The following NME7 variants were observed in gnomAD, a reference collection of about 807,000 sequenced individuals.
The protein encoded by NME7 is nucleoside diphosphate kinase 7.
Under a neutral mutation model 49.1 loss-of-function variants are expected in NME7, and 41 were observed. The ratio of observed to expected loss-of-function variants is 0.83; its 90% CI spans 0.65 to 1.08. The LOEUF (loss-of-function observed/expected upper bound fraction) is 1.08, where lower values mean the gene tolerates loss of function less well. Among genes scored for constraint, NME7 ranks in the 50% least tolerant of loss-of-function variants. The probability of loss-of-function intolerance (pLI) is 0.00; values close to 1 mark genes in which losing one functional copy is unlikely to be tolerated. For synonymous variants in NME7, 139 were observed against 150.6 expected (o/e 0.92, Z 0.56); for missense variants, 423 against 463.4 (o/e 0.91, Z 0.80).
intron 10 of NME7, among the ~76,000 whole-genome samples, chr1:169,170,409 TCCA>T (rs1659550755): frequency 6.6e-6 from 1 of 152,226 alleles, no homozygotes; most frequent in Non-Finnish European, 1.5e-5. Context: ...CATTTGTGGT[TCCA>T]TCACTTAAGG....
intron 10 of NME7, among the ~76,000 whole-genome samples, chr1:169,195,453 T>A (rs558897103): frequency 1.3e-5 from 2 of 152,276 alleles, no homozygotes; most frequent in Non-Finnish European, 1.5e-5. Context: ...CCTCAAGTGA[T>A]CCTCCCATCT....
intron 1 of NME7, among the ~76,000 whole-genome samples, chr1:169,328,233 C>T: frequency 6.6e-6 from 1 of 152,084 alleles, no homozygotes; most frequent in South Asian, 2.1e-4. Flanking sequence ...TTGTGAGAGT[C>T]CAAAAGACCT....
At position 169,332,370 on chromosome 1, in the gene NME7, C is replaced by T. The variant is rs140161120; in HGVS notation, c.4-7870G>A. 5.9e-5 allele frequency among the ~76,000 whole-genome samples: 9 copies of T among 152,168 alleles called. No individual in the cohort carries two copies. In the East Asian group the frequency reaches 1.7e-3, roughly 29 times the overall value. The stretch of plus-strand genomic sequence containing the variant: ...AAGACCTCAAACTATGAAACTACTA[C>T]AAGAAAACATGGGAGAAAATCTCTA... On this transcript the variant is annotated intron_variant, in intron 1 of 11. Coordinates refer to ENST00000367811, the MANE Select transcript of NME7 (RefSeq NM_013330.5).
intron 6 of NME7, among the ~76,000 whole-genome samples, chr1:169,288,295 T>C (rs1486119615): frequency 1.3e-5 from 2 of 152,114 alleles, no homozygotes; most frequent in Admixed American, 6.6e-5. Context: ...CCTAAAACAA[T>C]GTCTGGCTCA....
At chr1:169,315,520 C>T (rs995084091) in intron 3 of NME7, among the ~76,000 whole-genome samples, 4 of 152,154 alleles carry the variant, frequency 2.6e-5, no homozygotes, top group Non-Finnish European at 5.9e-5. Flanking sequence ...CCCGCCTCAG[C>T]CTCCCAAAGT....
chr1:169,231,116 A>G (rs897991220), intron 9 of NME7, among the ~76,000 whole-genome samples: 6 of 152,176 alleles, frequency 3.9e-5, no homozygotes, highest in African/African-American at 1.4e-4. Flanking sequence ...CTTGAATACA[A>G]TGTTGTTGAA....
intron 10 of NME7, among the ~76,000 whole-genome samples, chr1:169,182,175 A>T (rs892892193): frequency 5.3e-4 from 11 of 20,878 alleles, no homozygotes; most frequent in Admixed American, 3.4e-3. Context: ...TAGCTAATTT[A>T]AAAAAAAAAA....
intron 10 of NME7, among the ~76,000 whole-genome samples, chr1:169,228,071 C>T (rs112403526): frequency 2.8e-5 from 4 of 142,748 alleles, no homozygotes; most frequent in African/African-American, 1.0e-4. Context: ...CACACACACA[C>T]ATATATACGT....
At chr1:169,215,268 C>T (rs1044892680) in intron 10 of NME7, among the ~76,000 whole-genome samples, 16 of 152,114 alleles carry the variant, frequency 1.1e-4, no homozygotes, top group Non-Finnish European at 2.1e-4. Flanking sequence ...GCTGCTTCTC[C>T]CCTCTACTGG....
chr1:169,132,705 A>AAAAG lies in NME7; in HGVS notation c.*76_*79dup. 7.3e-7 allele frequency: 1 copy of AAAAG among 1,361,304 alleles called. No individual in the cohort carries two copies. The highest frequency in any genetic ancestry group is 1.0e-6 in the Non-Finnish European group (1 of 962,296). 84.3% of individuals were successfully genotyped at this position (1,361,304 alleles called of 1,614,324 possible). A position where few individuals can be genotyped will look rare whatever the true frequency, so the allele number is the denominator to read the frequency against. On this transcript the variant is annotated 3_prime_UTR_variant, in exon 12 of 12. Transcript: ENST00000367811. ...CAGTCAGGTTAAAACAACGGACAAT[A>AAAAG]AAAGAATGAACACATTCCTCGTGTG...
intron 10 of NME7, 77 bp from the exon 11 acceptor site, chr1:169,169,631 G>T: frequency 8.1e-7 from 1 of 1,238,940 alleles, no homozygotes; most frequent in Non-Finnish European, 1.2e-6. Context: ...TATATGAAAC[G>T]CTAACTTATT....
intron 7 of NME7, among the ~76,000 whole-genome samples, chr1:169,275,340 A>C (rs1453738402): frequency 7.7e-6 from 1 of 129,442 alleles, no homozygotes; most frequent in African/African-American, 2.6e-5. Context: ...TTAGCCGGGC[A>C]TGGTGGCGCG....
At chr1:169,276,786 T>C (rs570329848) in intron 7 of NME7, among the ~76,000 whole-genome samples, 1 of 135,708 alleles carries the variant, frequency 7.4e-6, no homozygotes, top group Non-Finnish European at 1.7e-5. Flanking sequence ...TGTTAGGGTG[T>C]CAATTTTGGA....
intron 10 of NME7, among the ~76,000 whole-genome samples, chr1:169,210,790 G>A (rs575874856): frequency 2.0e-5 from 3 of 152,260 alleles, no homozygotes; most frequent in African/African-American, 7.2e-5. Context: ...AATACCTCTA[G>A]AGAATCACAC....
At chr1:169,181,134 T>TATCTATCTATC (rs1553243264) in intron 10 of NME7, among the ~76,000 whole-genome samples, 41 of 124,098 alleles carry the variant, frequency 3.3e-4, no homozygotes, top group Middle Eastern at 4.0e-3. Context: ...TCCTATCTAT[T>TATCTATCTATC]TATCTATCTA....
chr1:169,224,396 T>C (rs572024916), intron 10 of NME7, among the ~76,000 whole-genome samples: 16 of 152,194 alleles, frequency 1.1e-4, no homozygotes, highest in East Asian at 7.7e-4. Flanking sequence ...TACTAGGTTG[T>C]CTTTCCAAGT....
intron 6 of NME7, among the ~76,000 whole-genome samples, chr1:169,297,014 C>T (rs953210352): frequency 1.3e-5 from 2 of 151,624 alleles, no homozygotes; most frequent in African/African-American, 4.9e-5. Context: ...CACTCTGTCA[C>T]CCAGGCTAGA....
intron 4 of NME7, 88 bp from the exon 5 acceptor site, chr1:169,303,283 T>C: frequency 1.8e-6 from 1 of 563,842 alleles, no homozygotes; most frequent in Non-Finnish European, 2.9e-6. Context: ...TAAGATAAAA[T>C]CCTCTCAATT....
At chr1:169,184,847 T>C (rs1177636927) in intron 10 of NME7, among the ~76,000 whole-genome samples, 1 of 152,176 alleles carries the variant, frequency 6.6e-6, no homozygotes, top group Non-Finnish European at 1.5e-5. Flanking sequence ...CAGATTTGTA[T>C]TGTTTGCTCA....
Sources: allele counts gnomAD v4.1 joint callset (sites outside exome capture counted in the v4.1 genomes callset), GRCh38; gene constraint gnomAD v4.1.1; transcripts MANE v1.5; gene names NCBI Gene and HGNC (gene_info 2026-07-23, HGNC 2026-07-21).